The following SBF1 variants were observed in gnomAD, a reference collection of about 807,000 sequenced individuals.
The protein encoded by SBF1 is SET binding factor 1.
In SBF1, 65 loss-of-function variants were observed where a neutral mutation model predicts 215.8. That is an observed-to-expected ratio of 0.30 (90% CI 0.25 to 0.37). The LOEUF (loss-of-function observed/expected upper bound fraction) is 0.37. Among genes scored for constraint, SBF1 ranks in the 10% least tolerant of loss-of-function variants. SBF1 has a pLI of 1.00. For missense variants in SBF1, 2,634 were observed against 2,667.8 expected, an observed-to-expected ratio of 0.99 and a Z score of 0.28; for synonymous variants, 1,410 against 1,122.8, an observed-to-expected ratio of 1.26 and a Z score of -5.11.
intron 36 of SBF1, among the ~76,000 whole-genome samples, chr22:50,452,457 G>A (rs1037313126): frequency 2.0e-5 from 3 of 151,974 alleles, no homozygotes; most frequent in South Asian, 2.1e-4. Flanking sequence ...GGTGGCTCAC[G>A]CCTGTAATCC....
At chr22:50,472,770 C>T (rs1447773026) in intron 1 of SBF1, among the ~76,000 whole-genome samples, 1 of 152,218 alleles carries the variant, frequency 6.6e-6, no homozygotes, top group Non-Finnish European at 1.5e-5. Flanking sequence ...GTACCTGGCT[C>T]TGCCCTCAGC....
chr22:50,467,422 G>C lies in SBF1; in HGVS notation c.465C>G (p.Ile155Met). ...FRNSLGLIYA[I>M]HVEGLNVCLE... ...GGCACACATTCAGGCCCTCCACGTGGATGGCATAGATGAGGCCAAGGCTGT... is the reference window on the plus strand; with the variant it reads ...GGCACACATTCAGGCCCTCCACGTGCATGGCATAGATGAGGCCAAGGCTGT... The change falls in exon 5 of 41, where the codon ATC becomes ATG. Residue 155 changes from isoleucine (I) to methionine (M), a missense_variant. Coordinates refer to ENST00000380817, the MANE Select transcript of SBF1 (RefSeq NM_002972.4). The C allele has an allele frequency of 3.1e-6, 5 of 1,614,202 alleles. No homozygotes were observed. Among genetic ancestry groups the C allele is most frequent in the Non-Finnish European group, 4.2e-6 (5 of 1,180,022 alleles).
chr22:50,471,649 T>A (rs748597214), intron 1 of SBF1, among the ~76,000 whole-genome samples: 1 of 152,180 alleles, frequency 6.6e-6, no homozygotes, highest in African/African-American at 2.4e-5. Flanking sequence ...CAGCAGGCCA[T>A]GCGCAGGGCC....
In SBF1 at chr22:50,454,579, C is replaced by T. The variant is rs750566645; in HGVS notation, c.4976G>A (p.Arg1659His). ...SDGGAPQSRRRVVWPCYDSCP... is the reference protein window; with the variant it reads ...SDGGAPQSRRHVVWPCYDSCP... Reference sequence around the variant, plus strand: ...GCTGTCGTAACAGGGCCACACCACGCGGCGCCTGCTCTGGGGAGCGCCTCC... The same window carrying T: ...GCTGTCGTAACAGGGCCACACCACGTGGCGCCTGCTCTGGGGAGCGCCTCC... Residue 1659 changes from arginine to histidine, a missense_variant, in exon 36 of 41, where the codon CGC becomes CAC. Physicochemically the swap from Arg to His is conservative, Grantham distance 29 (BLOSUM62 0). Coordinates refer to ENST00000380817, the MANE Select transcript of SBF1 (RefSeq NM_002972.4). 6.8e-5 allele frequency: 109 copies of T among 1,611,324 alleles called. No homozygotes were observed. The highest frequency in any genetic ancestry group is 8.4e-5 in the Admixed American group (5 of 59,846).
Position 50,461,852 on chromosome 22 carries a change from T to C in SBF1, c.2587A>G (p.Ile863Val), listed in dbSNP as rs1236556703. 3 of 1,613,908 alleles carry C rather than the reference T, an allele frequency of 1.9e-6. No homozygotes were observed. Among genetic ancestry groups the C allele is most frequent in the Non-Finnish European group, 2.5e-6 (3 of 1,180,024 alleles). ...VMVPDIVQMH[I>V]ETLEAVQRES... ...CGCTGCACGGCCTCCAGGGTCTCGA[T>C]GTGCATCTGGACAATGTCTGGGGGA... The change falls in exon 21 of 41, where the codon ATC becomes GTC. Residue 863 changes from isoleucine to valine, a missense_variant. Transcript: ENST00000380817.
intron 26 of SBF1, 126 bp from the exon 27 acceptor site, chr22:50,459,792 G>GC (rs1170992906): frequency 8.3e-6 from 11 of 1,317,818 alleles, no homozygotes; most frequent in African/African-American, 1.5e-5. Flanking sequence ...CAGCCACGGG[G>GC]CCCCCCAGCC....
chr22:50,459,234 T>C, intron 28 of SBF1, 21 bp downstream of exon 28: 5 of 1,585,206 alleles, frequency 3.2e-6, no homozygotes, highest in Non-Finnish European at 3.5e-6. Flanking sequence ...TGCCCCACCG[T>C]CTGCCCACAA....
rs1415189549 is a variant in SBF1, at chr22:50,465,319, G to C, written c.1099C>G (p.Leu367Val). The C allele has an allele frequency of 6.3e-7, 1 of 1,589,662 alleles. No individual in the cohort carries two copies. The highest frequency in any genetic ancestry group is 8.6e-7 in the Non-Finnish European group (1 of 1,169,034). The change falls in exon 11 of 41, where the codon CTG becomes GTG. Residue 367 changes from leucine (L) to valine (V), a missense_variant. Physicochemically the swap from Leu to Val is conservative, Grantham distance 32. Transcript: ENST00000380817. Reference protein sequence around the residue: ...TSSLKMQDKELRAVFLRLFAQ... With the variant: ...TSSLKMQDKEVRAVFLRLFAQ... ...AACAGCCGCAGGAAGACCGCGCGCA[G>C]CTCCTTGTCCTGGGAGAAGAGCTGA...
rs374473892 is a variant in SBF1, at chr22:50,452,140, T to TA, written c.5043+2371dup. Among the ~76,000 whole-genome samples, 533 of 113,186 alleles carry TA rather than the reference T, an allele frequency of 4.7e-3. 1 individual carries two copies. Among genetic ancestry groups the TA allele is most frequent in the Middle Eastern group, 0.015 (3 of 206 alleles). The allele number at this position is 113,186 out of a possible 152,430, so 74.3% of individuals were successfully genotyped here. A position where few individuals can be genotyped will look rare whatever the true frequency, so the allele number is the denominator to read the frequency against. Reference sequence around the variant, plus strand: ...AGTGACATCAGTTTAACTGCTGAATTAAAAAAAAAAAAAAAAAAAAGAAGC... The same window carrying TA: ...AGTGACATCAGTTTAACTGCTGAATTAAAAAAAAAAAAAAAAAAAAAGAAGC... On this transcript the variant is annotated intron_variant, in intron 36 of 40. Transcript: ENST00000380817.
chr22:50,455,377 G>C lies in SBF1; in HGVS notation c.4401C>G (p.Pro1467=). ...VVSLVQLLSD[P]FYRTLEGFRL... is the part of the protein sequence containing the mutation. ...GAAAGCCCTCCAGCGTGCGGTAGAA[G>C]GGGTCTGAGAGCAGCTGCACCAAGG... Residue 1467 remains proline (P), a synonymous_variant, in exon 33 of 41, where the codon CCC becomes CCG. Transcript: ENST00000380817. The C allele has an allele frequency of 6.2e-7, 1 of 1,613,122 alleles. No homozygotes were observed. Among genetic ancestry groups the C allele is most frequent in the Non-Finnish European group, 8.5e-7 (1 of 1,179,768 alleles).
rs552679685 is a variant in SBF1 at position 50,462,034 on chromosome 22, G to A, written c.2482C>T (p.Arg828Cys). 7.4e-6 allele frequency: 12 copies of A among 1,614,198 alleles called. No homozygotes were observed. Among genetic ancestry groups the A allele is most frequent in the African/African-American group, 1.3e-5 (1 of 75,074 alleles). The stretch of plus-strand genomic sequence containing the variant: ...TTGTCCACAAAGCGGTTGATGAAGC[G>A]GACCACAGCCCCAGCTACGTCGCAG... The part of the protein sequence containing the change: ...ETCDVAGAVV[R>C]FINRFVDKVC... Residue 828 changes from arginine to cysteine, a missense_variant, in exon 20 of 41, where the codon CGC becomes TGC. Coordinates refer to ENST00000380817, the MANE Select transcript of SBF1 (RefSeq NM_002972.4).
chr22:50,463,963 G>C (rs560243973), intron 15 of SBF1, among the ~76,000 whole-genome samples: 1 of 152,290 alleles, frequency 6.6e-6, no homozygotes, highest in African/African-American at 2.4e-5. Context: ...TAAGATGCAA[G>C]GAACAGGTCA....
chr22:50,447,333 CCTT>C lies in SBF1; in HGVS notation c.5569_5571del (p.Lys1857del), dbSNP rs1269580250. 1.2e-6 allele frequency: 2 copies of C among 1,613,972 alleles called. No individual in the cohort carries two copies. Among genetic ancestry groups the C allele is most frequent in the African/African-American group, 1.3e-5 (1 of 74,936 alleles). On this transcript the variant is annotated inframe_deletion, in exon 40 of 41. Transcript: ENST00000380817. ...CGGCCAAGGCTCACGTCAAAGAAGG[CCTT>C]CTCGTCCACAGTCTTAGGGGCACCC...
chr22:50,456,453 G>GGC, intron 30 of SBF1, 39 bp downstream of exon 30: 42 of 1,519,804 alleles, frequency 2.8e-5, no homozygotes, highest in East Asian at 4.9e-5. Context: ...CCCCTGCCGA[G>GGC]CCCCCACCCT....
At chr22:50,468,100 G>GT (rs1471888937) in intron 2 of SBF1, among the ~76,000 whole-genome samples, 177 bp from the exon 3 acceptor site, 3 of 152,198 alleles carry the variant, frequency 2.0e-5, no homozygotes, top group Non-Finnish European at 4.4e-5. Context: ...GGTGAAGGGA[G>GT]TAACAGCCTC....
chr22:50,468,144 G>A (rs1349223555), intron 2 of SBF1, among the ~76,000 whole-genome samples: 1 of 152,214 alleles, frequency 6.6e-6, no homozygotes, highest in Non-Finnish European at 1.5e-5. Flanking sequence ...ACCAGGAGAT[G>A]GGAGAACAGT....
Position 50,466,442 on chromosome 22 carries a change from C to T in SBF1, c.696G>A (p.Thr232=), listed in dbSNP as rs1603433988. 1.3e-6 allele frequency: 2 copies of T among 1,552,264 alleles called. No individual in the cohort carries two copies. The highest frequency in any genetic ancestry group is 8.7e-7 in the Non-Finnish European group (1 of 1,147,302). Residue 232 remains threonine, a synonymous_variant, in exon 7 of 41, where the codon ACG becomes ACA. Transcript: ENST00000380817. The part of the protein sequence containing the change: ...NVLSLFCAAL[T]EHKVLFLSRS... The stretch of plus-strand genomic sequence containing the variant: ...GGGACAGGAAGAGAACCTTGTGCTC[C>T]GTGAGGGCGGCACAGAACAAAGACA...
At chr22:50,453,377 C>T (rs1165610773) in intron 36 of SBF1, among the ~76,000 whole-genome samples, 1 of 152,210 alleles carries the variant, frequency 6.6e-6, no homozygotes, top group Non-Finnish European at 1.5e-5. Context: ...CTCCCCCAAA[C>T]CCTGTGCCCC....
At chr22:50,456,742 C>A in intron 29 of SBF1, 69 bp from the exon 30 acceptor site, 6 of 1,365,718 alleles carry the variant, frequency 4.4e-6, no homozygotes, top group Non-Finnish European at 5.8e-6. Flanking sequence ...CTGGCTGGGC[C>A]CGGCCTCCAG....
Sources: gnomAD v4.1 joint callset for allele counts (sites outside exome capture counted in the v4.1 genomes callset) on GRCh38, gnomAD v4.1.1 for gene constraint, MANE v1.5 for transcripts, NCBI Gene and HGNC (gene_info 2026-07-23, HGNC 2026-07-21) for gene names.